Variants in DYNC2H1 observed in about 807,000 individuals in gnomAD.
DYNC2H1 encodes dynein cytoplasmic 2 heavy chain 1, also known as cytoplasmic dynein 2 heavy chain 1.
DYNC2H1 carries 410 observed loss-of-function variants against 570.0 expected under a neutral mutation model. The observed-to-expected ratio is 0.72, with a 90% CI of 0.66 to 0.78. DYNC2H1 has a LOEUF of 0.78. Among genes scored for constraint, DYNC2H1 ranks in the 30% least tolerant of loss-of-function variants. DYNC2H1 has a pLI of 0.00. For missense variants in DYNC2H1, 4,865 were observed against 5,046.4 expected (o/e 0.96, Z 1.09); for synonymous variants, 1,688 against 1,677.6 (o/e 1.01, Z -0.15).
chr11:103,272,007 C>T (rs1234480105), intron 70 of DYNC2H1, among the ~76,000 whole-genome samples: 2 of 152,186 alleles, frequency 1.3e-5, no homozygotes, highest in Non-Finnish European at 2.9e-5. Flanking sequence ...TTGTGGAAGT[C>T]AGTGTGGCAA....
intron 28 of DYNC2H1, among the ~76,000 whole-genome samples, chr11:103,160,672 C>T (rs1861053655): frequency 6.6e-6 from 1 of 151,946 alleles, no homozygotes; most frequent in South Asian, 2.1e-4. Flanking sequence ...TCACAAATTT[C>T]ACCAGTGAAT....
intron 83 of DYNC2H1, among the ~76,000 whole-genome samples, chr11:103,391,987 A>G (rs955693758): frequency 5.9e-5 from 9 of 152,272 alleles, no homozygotes; most frequent in Middle Eastern, 6.8e-3. Flanking sequence ...TCAGATCTCA[A>G]ACTCCGTGCT....
intron 88 of DYNC2H1, among the ~76,000 whole-genome samples, chr11:103,471,513 T>C (rs1945384575): frequency 6.6e-6 from 1 of 152,246 alleles, no homozygotes; most frequent in African/African-American, 2.4e-5. Flanking sequence ...ATAATGTTTC[T>C]GTAGGATCAT....
chr11:103,471,171 G>A (rs189557591), intron 88 of DYNC2H1, among the ~76,000 whole-genome samples: 34 of 152,176 alleles, frequency 2.2e-4, no homozygotes, highest in African/African-American at 7.7e-4. Flanking sequence ...GGCCAGTGAT[G>A]ATATTTTTCT....
At chr11:103,441,929 A>T (rs1268934222) in intron 85 of DYNC2H1, among the ~76,000 whole-genome samples, 1 of 152,064 alleles carries the variant, frequency 6.6e-6, no homozygotes, top group African/African-American at 2.4e-5. Flanking sequence ...AGAGTGTATT[A>T]TTTTCCTAAC....
intron 81 of DYNC2H1, among the ~76,000 whole-genome samples, chr11:103,323,549 A>T (rs990506953): frequency 1.3e-5 from 2 of 151,976 alleles, no homozygotes; most frequent in East Asian, 3.9e-4. Flanking sequence ...GGTAAGTTAT[A>T]GGAAAAAAAT....
At chr11:103,179,689 C>G (rs1861771811) in intron 39 of DYNC2H1, among the ~76,000 whole-genome samples, 1 of 151,604 alleles carries the variant, frequency 6.6e-6, no homozygotes, top group Non-Finnish European at 1.5e-5. Context: ...GGTCCAATGA[C>G]CCAGTCTTTT....
intron 75 of DYNC2H1, among the ~76,000 whole-genome samples, chr11:103,290,741 T>A (rs1228912843): frequency 6.6e-6 from 1 of 152,198 alleles, no homozygotes. Context: ...TCTTCCTCTC[T>A]TGTTGCTTTT....
At chr11:103,423,154 G>T (rs1484250895) in intron 84 of DYNC2H1, among the ~76,000 whole-genome samples, 1 of 151,832 alleles carries the variant, frequency 6.6e-6, no homozygotes, top group East Asian at 1.9e-4. Context: ...CATAAAGCCA[G>T]ATACAGAGAT....
intron 82 of DYNC2H1, among the ~76,000 whole-genome samples, chr11:103,340,053 A>G (rs1332868275): frequency 3.3e-5 from 5 of 152,206 alleles, no homozygotes; most frequent in Admixed American, 2.6e-4. Context: ...GTTGTAGGTA[A>G]TGCAAGGTTA....
rs865873364 is a variant in DYNC2H1 at position 103,145,432 on chromosome 11, C to T, written c.2702+2037C>T. Among the ~76,000 whole-genome samples the T allele has an allele frequency of 7.9e-5, 12 of 152,144 alleles. No individual in the cohort carries two copies. In the South Asian group the frequency reaches 8.3e-4, roughly 11 times the overall value. On this transcript the variant is annotated intron_variant, in intron 18 of 88. Coordinates refer to ENST00000375735, the MANE Select transcript of DYNC2H1 (RefSeq NM_001377.3). This position sits in a 1 kb window ranked among gnomAD's most constrained non-coding sequence, Gnocchi z 4.2. ...TCTCTGTTGGGCCTTGCCTTTGATCCCAATCTTGCCCATCTTCTTTGACTT... is the reference window on the plus strand; with the variant it reads ...TCTCTGTTGGGCCTTGCCTTTGATCTCAATCTTGCCCATCTTCTTTGACTT...
chr11:103,382,689 A>T (rs1490524747), intron 83 of DYNC2H1, among the ~76,000 whole-genome samples: 2 of 152,182 alleles, frequency 1.3e-5, no homozygotes, highest in Non-Finnish European at 2.9e-5. Context: ...AACTCCACAA[A>T]CTAATTCACA....
In DYNC2H1 at chr11:103,252,460, T is replaced by G. The variant is rs1250622331; in HGVS notation, c.10043-825T>G. On this transcript the variant is annotated intron_variant, in intron 65 of 88. Transcript: ENST00000375735. The surrounding 1 kb of genome is among the most constrained non-coding windows in gnomAD (Gnocchi z 4.6). ...TTTTTCATAATGGCTGCCCTGGTCT[T>G]CATTCCCACCAACAATTCCCTTTTC... Among the ~76,000 whole-genome samples, 2 of 152,142 alleles carry G rather than the reference T, an allele frequency of 1.3e-5. No homozygotes were observed. Among genetic ancestry groups the G allele is most frequent in the Non-Finnish European group, 2.9e-5 (2 of 68,020 alleles).
chr11:103,202,540 A>G (rs1222219618), intron 50 of DYNC2H1, among the ~76,000 whole-genome samples: 1 of 152,106 alleles, frequency 6.6e-6, no homozygotes, highest in African/African-American at 2.4e-5. Context: ...TAAGGAATCA[A>G]AAATATCTTG....
intron 47 of DYNC2H1, among the ~76,000 whole-genome samples, chr11:103,194,985 T>C (rs1231529432): frequency 6.6e-6 from 1 of 152,218 alleles, no homozygotes; most frequent in Non-Finnish European, 1.5e-5. Context: ...CCCAAAGTGC[T>C]GGGATTACAG....
intron 83 of DYNC2H1, among the ~76,000 whole-genome samples, chr11:103,381,094 G>A (rs1941625335): frequency 6.6e-6 from 1 of 152,200 alleles, no homozygotes; most frequent in Admixed American, 6.5e-5. Flanking sequence ...CAAAATTGAT[G>A]AAGATGTAAA....
At position 103,181,265 on chromosome 11, in the gene DYNC2H1, A is replaced by G. The variant is rs1167463859; in HGVS notation, c.6348-492A>G. ...TCTAAAGATCTGTATTACAGTTTAG[A>G]TCAGTGCATTTTAAACTCTAATGTG... On this transcript the variant is annotated intron_variant, in intron 39 of 88. Coordinates refer to ENST00000375735, the MANE Select transcript of DYNC2H1 (RefSeq NM_001377.3). The surrounding 1 kb of genome is among the most constrained non-coding windows in gnomAD (Gnocchi z 5.0). Among the ~76,000 whole-genome samples, 2 of 151,596 alleles carry G rather than the reference A, an allele frequency of 1.3e-5. No individual in the cohort carries two copies. Among genetic ancestry groups the G allele is most frequent in the African/African-American group, 4.8e-5 (2 of 41,380 alleles).
At position 103,241,467 on chromosome 11, in the gene DYNC2H1, T is replaced by C; in HGVS notation, c.9820-2226T>C. ...GTACCCTTTGAAAAACTTAAGCATGTTTTCTTTGCTAAAAACATTTTGAAA... is the reference window on the plus strand; with the variant it reads ...GTACCCTTTGAAAAACTTAAGCATGCTTTCTTTGCTAAAAACATTTTGAAA... On this transcript the variant is annotated intron_variant, in intron 63 of 88. Transcript: ENST00000375735. This position sits in a 1 kb window ranked among gnomAD's most constrained non-coding sequence, Gnocchi z 5.1. 1 of 1,499,262 alleles carries C rather than the reference T, an allele frequency of 6.7e-7. No homozygotes were observed. Among genetic ancestry groups the C allele is most frequent in the Non-Finnish European group, 9.2e-7 (1 of 1,089,440 alleles). 92.9% of individuals were successfully genotyped at this position (1,499,262 alleles called of 1,614,324 possible). A position where few individuals can be genotyped will look rare whatever the true frequency, so the allele number is the denominator to read the frequency against.
At position 103,324,916 on chromosome 11, in the gene DYNC2H1, G is replaced by C. The variant is rs781037565; in HGVS notation, c.12039+926G>C. Among the ~76,000 whole-genome samples, 3 of 152,182 alleles carry C rather than the reference G, an allele frequency of 2.0e-5. No homozygotes were observed. Among genetic ancestry groups the C allele is most frequent in the Non-Finnish European group, 4.4e-5 (3 of 68,022 alleles). ...TAATAATAGCCAGTCTGATGGGCAT[G>C]AGATGGTATCTCATTGTGGTTTTGA... On this transcript the variant is annotated intron_variant, in intron 82 of 88. Coordinates refer to ENST00000375735, the MANE Select transcript of DYNC2H1 (RefSeq NM_001377.3). The surrounding 1 kb of genome is among the most constrained non-coding windows in gnomAD (Gnocchi z 5.2).
Sources: allele counts gnomAD v4.1 joint callset (sites outside exome capture counted in the v4.1 genomes callset), GRCh38; gene constraint gnomAD v4.1.1; non-coding constraint Gnocchi (gnomAD v3.1); transcripts MANE v1.5; gene names NCBI Gene and HGNC (gene_info 2026-07-23, HGNC 2026-07-21).